The following LRBA variants were observed in gnomAD, a reference collection of about 807,000 sequenced individuals.
LRBA encodes LPS responsive beige-like anchor protein, also known as lipopolysaccharide-responsive and beige-like anchor protein.
In LRBA, 176 loss-of-function variants were observed where a neutral mutation model predicts 330.0. That is an observed-to-expected ratio of 0.53 (90% CI 0.47 to 0.60). LRBA has a LOEUF of 0.60. LRBA is among the 20% of genes least tolerant of loss of function. LRBA has a pLI of 0.00. For missense variants in LRBA, 3,259 were observed against 3,444.8 expected, an observed-to-expected ratio of 0.95 and a Z score of 1.35; for synonymous variants, 1,230 against 1,193.0, an observed-to-expected ratio of 1.03 and a Z score of -0.64.
At chr4:150,513,320 A>G (rs1366762020) in intron 40 of LRBA, among the ~76,000 whole-genome samples, 1 of 152,208 alleles carries the variant, frequency 6.6e-6, no homozygotes, top group African/African-American at 2.4e-5. Flanking sequence ...AGTTTACAGC[A>G]ATGGGCAGGT....
At chr4:150,760,059 T>TA (rs1013853720) in intron 35 of LRBA, among the ~76,000 whole-genome samples, 4 of 152,186 alleles carry the variant, frequency 2.6e-5, no homozygotes, top group African/African-American at 7.2e-5. Context: ...CTAAAAATTA[T>TA]AAAAAATCTG....
rs114088376 is a variant in LRBA at position 150,579,221 on chromosome 4, C to A, written c.6330+8827G>T. On this transcript the variant is annotated intron_variant, in intron 40 of 56. Coordinates refer to ENST00000651943, the MANE Select transcript of LRBA (RefSeq NM_001364905.1). The stretch of plus-strand genomic sequence containing the variant: ...GCTGATGGACTTCTATACTAACATA[C>A]ATAAAAGCAGAGGTGACAGGGGCTC... The A allele has an allele frequency of 5.1e-4, 233 of 456,660 alleles. 3 individuals are homozygous for A. The highest frequency in any genetic ancestry group is 4.3e-3 in the African/African-American group (216 of 50,174). The allele number at this position is 456,660 out of a possible 1,614,324, so 28.3% of individuals were successfully genotyped here.
chr4:150,522,588 C>T (rs761798536), intron 40 of LRBA, among the ~76,000 whole-genome samples: 39 of 152,146 alleles, frequency 2.6e-4, no homozygotes, highest in Admixed American at 5.9e-4. Context: ...TCAAGGCACC[C>T]GTGGTAACTT....
intron 34 of LRBA, among the ~76,000 whole-genome samples, chr4:150,788,328 C>A (rs2126630491): frequency 6.8e-6 from 1 of 147,054 alleles, no homozygotes; most frequent in South Asian, 2.2e-4. Context: ...CAAACTCCTG[C>A]CTGTGATAAT....
At chr4:150,920,450 G>A (rs976374485) in intron 5 of LRBA, among the ~76,000 whole-genome samples, 2 of 152,172 alleles carry the variant, frequency 1.3e-5, no homozygotes, top group African/African-American at 2.4e-5. Context: ...TCAGGAGGCT[G>A]AGGCAGAAGA....
chr4:150,681,670 CTTG>C (rs533883186), intron 37 of LRBA, among the ~76,000 whole-genome samples: 40 of 152,150 alleles, frequency 2.6e-4, no homozygotes, highest in African/African-American at 7.0e-4. Flanking sequence ...TACATCCTTT[CTTG>C]TTGTTCTGAA....
chr4:150,524,607 T>C (rs1362476693), intron 40 of LRBA, among the ~76,000 whole-genome samples: 1 of 152,178 alleles, frequency 6.6e-6, no homozygotes, highest in Non-Finnish European at 1.5e-5. Flanking sequence ...TTATATTTAC[T>C]AATGGCTTTC....
chr4:150,684,874 T>C (rs1446541788), intron 36 of LRBA, among the ~76,000 whole-genome samples: 2 of 152,120 alleles, frequency 1.3e-5, no homozygotes, highest in Admixed American at 6.6e-5. Context: ...TTTCGATAGA[T>C]TGCTGCCACG....
At chr4:150,755,454 C>A (rs1239598220) in intron 35 of LRBA, among the ~76,000 whole-genome samples, 1 of 152,036 alleles carries the variant, frequency 6.6e-6, no homozygotes, top group Non-Finnish European at 1.5e-5. Flanking sequence ...TTGTAAGAGG[C>A]TATGAAAGCT....
intron 51 of LRBA, chr4:150,315,097 T>A (rs193151014): frequency 1.1e-3 from 204 of 193,750 alleles, no homozygotes; most frequent in African/African-American, 4.8e-3. Context: ...TCTCCTTTAA[T>A]GATGAAACCC....
chr4:150,520,609 A>G (rs960908681), intron 40 of LRBA, among the ~76,000 whole-genome samples: 3 of 152,232 alleles, frequency 2.0e-5, no homozygotes, highest in Non-Finnish European at 4.4e-5. Context: ...TGCAGCCATA[A>G]GAAGAATGAG....
chr4:150,932,476 A>T (rs1265825320), intron 2 of LRBA, among the ~76,000 whole-genome samples: 1 of 152,008 alleles, frequency 6.6e-6, no homozygotes, highest in Non-Finnish European at 1.5e-5. Context: ...AAAATACACT[A>T]ATATACCATT....
intron 28 of LRBA, among the ~76,000 whole-genome samples, chr4:150,835,836 A>T (rs1239318010): frequency 5.3e-5 from 8 of 152,108 alleles, no homozygotes; most frequent in Non-Finnish European, 1.2e-4. Context: ...TTCCAACACT[A>T]TGTTGAATAA....
chr4:150,265,847 C>A, intron 56 of LRBA, 35 bp from the exon 57 acceptor site: 2 of 1,304,742 alleles, frequency 1.5e-6, no homozygotes, highest in Non-Finnish European at 1.1e-6. Flanking sequence ...CTTTTACAAA[C>A]CTGTGTGTCC....
chr4:150,993,139 G>C (rs533467030), intron 2 of LRBA, among the ~76,000 whole-genome samples: 3 of 152,034 alleles, frequency 2.0e-5, no homozygotes, highest in Non-Finnish European at 4.4e-5. Context: ...AAAATTTAAA[G>C]AAATTAAAAA....
chr4:150,915,072 G>A (rs1732438673), intron 8 of LRBA, among the ~76,000 whole-genome samples: 1 of 152,056 alleles, frequency 6.6e-6, no homozygotes, highest in African/African-American at 2.4e-5. Context: ...TGTAGCAAAG[G>A]ATATGAAAAG....
At position 150,583,773 on chromosome 4, in the gene LRBA, C is replaced by T; in HGVS notation, c.6330+4275G>A. On this transcript the variant is annotated intron_variant, in intron 40 of 56. Transcript: ENST00000651943. The surrounding 1 kb of genome is among the most constrained non-coding windows in gnomAD (Gnocchi z 9.8). ...GCCTGCTGATGGGCGGCTGCCGAAA[C>T]AAGTGCCTCTCAGTGCTGAAGACTC... The T allele has an allele frequency of 1.2e-6, 2 of 1,614,134 alleles. No homozygotes were observed. Among genetic ancestry groups the T allele is most frequent in the Non-Finnish European group, 1.7e-6 (2 of 1,180,020 alleles).
chr4:150,774,048 T>A (rs1361619377), intron 34 of LRBA, among the ~76,000 whole-genome samples: 3 of 152,216 alleles, frequency 2.0e-5, no homozygotes, highest in Admixed American at 1.3e-4. Context: ...CACCAGTGTA[T>A]AGAGCACCCT....
chr4:150,380,004 A>ACT (rs1491451739), intron 47 of LRBA, among the ~76,000 whole-genome samples: 1 of 11,820 alleles, frequency 8.5e-5, no homozygotes, highest in Non-Finnish European at 3.2e-4. Context: ...TTCTACTACT[A>ACT]AAAAAAAAAA....
Sources: gnomAD v4.1 joint callset for allele counts (sites outside exome capture counted in the v4.1 genomes callset) on GRCh38, gnomAD v4.1.1 for gene constraint, Gnocchi (gnomAD v3.1) non-coding constraint, MANE v1.5 for transcripts, NCBI Gene and HGNC (gene_info 2026-07-23, HGNC 2026-07-21) for gene names.